Variants in ATP13A4 observed in about 807,000 individuals in gnomAD.
ATP13A4 encodes the protein probable cation-transporting ATPase 13A4.
ATP13A4 carries 114 observed loss-of-function variants against 142.5 expected under a neutral mutation model. The observed-to-expected ratio is 0.80, with a 90% CI of 0.69 to 0.93. The LOEUF (loss-of-function observed/expected upper bound fraction) is 0.93. ATP13A4 is among the 40% of genes least tolerant of loss of function. The probability of loss-of-function intolerance (pLI) is 0.00; values close to 1 mark genes in which losing one functional copy is unlikely to be tolerated. For synonymous variants in ATP13A4, 488 were observed against 514.8 expected, an observed-to-expected ratio of 0.95 and a Z score of 0.70; for missense variants, 1,392 against 1,454.0, an observed-to-expected ratio of 0.96 and a Z score of 0.69.
intron 3 of ATP13A4, among the ~76,000 whole-genome samples, chr3:193,500,820 T>A (rs557387837): frequency 3.3e-5 from 5 of 152,180 alleles, no homozygotes; most frequent in Non-Finnish European, 7.3e-5. Flanking sequence ...GCTGAGCCCA[T>A]GACAGCTCCT....
intron 8 of ATP13A4, among the ~76,000 whole-genome samples, chr3:193,481,557 A>G (rs1460967198): frequency 1.3e-5 from 2 of 152,162 alleles, no homozygotes; most frequent in Non-Finnish European, 2.9e-5. Context: ...ATTACAAATT[A>G]TTATTTTTTA....
At chr3:193,448,075 G>C (rs1046266808) in intron 18 of ATP13A4, 131 bp downstream of exon 18, 14 of 1,230,592 alleles carry the variant, frequency 1.1e-5, no homozygotes, top group Non-Finnish European at 1.6e-5. Flanking sequence ...GTGCCTTTTT[G>C]TTGCCCATCT....
chr3:193,403,632 G>A lies in ATP13A4; in HGVS notation c.3379-768C>T, dbSNP rs995254549. Reference sequence around the variant, plus strand: ...GAAATACAGTATTAAGATTACAAAAGACATGTCTCTTTGAAAACATTTTGC... The same window carrying A: ...GAAATACAGTATTAAGATTACAAAAAACATGTCTCTTTGAAAACATTTTGC... On this transcript the variant is annotated intron_variant, in intron 29 of 29. Coordinates refer to ENST00000342695, the MANE Select transcript of ATP13A4 (RefSeq NM_032279.4). 1.2e-5 allele frequency: 6 copies of A among 517,814 alleles called. No homozygotes were observed. In the Admixed American group the frequency reaches 2.6e-4, roughly 22 times the overall value. 32.1% of individuals were successfully genotyped at this position (517,814 alleles called of 1,614,324 possible).
At chr3:193,549,067 A>G (rs1723390261) in intron 1 of ATP13A4, among the ~76,000 whole-genome samples, 1 of 152,230 alleles carries the variant, frequency 6.6e-6, no homozygotes, top group Non-Finnish European at 1.5e-5. Context: ...AAAAAGACTG[A>G]TAATTTTCAA....
At chr3:193,448,107 G>C (rs1717059125) in intron 18 of ATP13A4, 99 bp downstream of exon 18, 1 of 1,506,652 alleles carries the variant, frequency 6.6e-7, no homozygotes, top group East Asian at 2.3e-5. Flanking sequence ...AATGATGTCT[G>C]GCCCAGAGTA....
intron 17 of ATP13A4, 43 bp from the exon 18 acceptor site, chr3:193,448,373 A>G (rs766420822): frequency 4.0e-5 from 65 of 1,608,656 alleles, no homozygotes; most frequent in Non-Finnish European, 5.5e-5. Context: ...AATAACACAT[A>G]TTACAGCTTT....
chr3:193,531,476 A>T (rs529040995), intron 1 of ATP13A4, among the ~76,000 whole-genome samples: 2 of 152,172 alleles, frequency 1.3e-5, no homozygotes, highest in Non-Finnish European at 2.9e-5. Flanking sequence ...CACCTGGATC[A>T]CTTTGTCTTC....
intron 29 of ATP13A4, among the ~76,000 whole-genome samples, chr3:193,405,024 G>C (rs904926678): frequency 6.6e-6 from 1 of 152,154 alleles, no homozygotes; most frequent in African/African-American, 2.4e-5. Context: ...ATGAGCACTG[G>C]CATAGTAAGG....
intron 3 of ATP13A4, among the ~76,000 whole-genome samples, chr3:193,495,358 A>C (rs534337543): frequency 2.2e-4 from 33 of 152,132 alleles, no homozygotes; most frequent in Non-Finnish European, 4.6e-4. Flanking sequence ...AACAAAATTA[A>C]AGTTAACAGC....
chr3:193,511,700 A>C (rs761855172), intron 2 of ATP13A4, among the ~76,000 whole-genome samples: 1 of 152,204 alleles, frequency 6.6e-6, no homozygotes, highest in Admixed American at 6.5e-5. Flanking sequence ...AAGTGGTGAA[A>C]TTGAGGTCCT....
intron 1 of ATP13A4, among the ~76,000 whole-genome samples, chr3:193,546,488 T>C (rs766012777): frequency 7.2e-5 from 11 of 152,216 alleles, no homozygotes; most frequent in Non-Finnish European, 1.5e-4. Context: ...TGGCTTTCTA[T>C]GCAGCCAGCA....
intron 1 of ATP13A4, among the ~76,000 whole-genome samples, chr3:193,522,605 G>C (rs991707122): frequency 6.6e-6 from 1 of 152,158 alleles, no homozygotes; most frequent in African/African-American, 2.4e-5. Flanking sequence ...TTAGCTCTCT[G>C]ATATTCTCGT....
chr3:193,525,424 GTAT>G (rs1721946744), intron 1 of ATP13A4, among the ~76,000 whole-genome samples: 2 of 152,198 alleles, frequency 1.3e-5, no homozygotes, highest in South Asian at 4.1e-4. Context: ...TTATCCCCCA[GTAT>G]TATTATTTCC....
At position 193,440,458 on chromosome 3, in the gene ATP13A4, C is replaced by T. The variant is rs1445969086; in HGVS notation, c.2519+100G>A. On this transcript the variant is annotated intron_variant, in intron 21 of 29. Transcript: ENST00000342695. Reference sequence around the variant, plus strand: ...TCTCATGCAGCCGAAGTACGGACCACTGCCCTTGTCAAACTGAGTGACTCC... The same window carrying T: ...TCTCATGCAGCCGAAGTACGGACCATTGCCCTTGTCAAACTGAGTGACTCC... The T allele has an allele frequency of 8.8e-6, 14 of 1,582,326 alleles. 1 individual carries two copies. Among genetic ancestry groups the T allele is most frequent in the Middle Eastern group, 1.7e-4 (1 of 5,996 alleles).
At chr3:193,548,385 T>A (rs1468494569) in intron 1 of ATP13A4, among the ~76,000 whole-genome samples, 2 of 152,148 alleles carry the variant, frequency 1.3e-5, no homozygotes, top group African/African-American at 2.4e-5. Context: ...TTGAGCAGGG[T>A]CCCTGTCTTC....
At chr3:193,412,664 A>G (rs1047344939) in intron 26 of ATP13A4, among the ~76,000 whole-genome samples, 23 of 152,128 alleles carry the variant, frequency 1.5e-4, no homozygotes, top group African/African-American at 5.6e-4. Context: ...GTATTCAACA[A>G]ATTATGCACA....
intron 7 of ATP13A4, among the ~76,000 whole-genome samples, chr3:193,485,481 T>G (rs552990165): frequency 6.6e-6 from 1 of 152,138 alleles, no homozygotes; most frequent in African/African-American, 2.4e-5. Context: ...CGCACAAGTG[T>G]ACAGTGGAGA....
At position 193,400,074 on chromosome 3, in the gene ATP13A4, C is replaced by T. The variant is rs1714216747; in HGVS notation, c.*2578G>A. On this transcript the variant is annotated 3_prime_UTR_variant, in exon 30 of 30. Coordinates refer to ENST00000342695, the MANE Select transcript of ATP13A4 (RefSeq NM_032279.4). ...GTTAGGGCAGATGGCCTGAAGCCAT[C>T]CCCACTGTGATCTTTACCCATTTGT... Among the ~76,000 whole-genome samples, 1 of 152,152 alleles carries T rather than the reference C, an allele frequency of 6.6e-6. No individual in the cohort carries two copies. The highest frequency in any genetic ancestry group is 1.5e-5 in the Non-Finnish European group (1 of 68,028).
chr3:193,567,129 A>G (rs570759731), intron 2 of ATP13A4, among the ~76,000 whole-genome samples: 1 of 152,338 alleles, frequency 6.6e-6, no homozygotes, highest in African/African-American at 2.4e-5. Context: ...TTATGCAACC[A>G]TTAAATATCA....
Sources: allele counts gnomAD v4.1 joint callset (sites outside exome capture counted in the v4.1 genomes callset), GRCh38; gene constraint gnomAD v4.1.1; transcripts MANE v1.5; gene names NCBI Gene and HGNC (gene_info 2026-07-23, HGNC 2026-07-21).